Variants in DLG2 observed in about 807,000 individuals in gnomAD.
The protein encoded by DLG2 is discs large MAGUK scaffold protein 2.
In DLG2, 45 loss-of-function variants were observed where a neutral mutation model predicts 132.5. The observed-to-expected ratio is 0.34, with a 90% confidence interval of 0.27 to 0.44. The LOEUF is 0.44. DLG2 is among the 20% of genes least tolerant of loss of function. The pLI, the probability that DLG2 is intolerant of heterozygous loss-of-function variation, is 1.00. For synonymous variants in DLG2, 424 were observed against 419.6 expected (o/e 1.01, Z -0.13); for missense variants, 1,045 against 1,196.9 (o/e 0.87, Z 1.87).
chr11:85,388,745 A>AAT (rs1018864014), intron 3 of DLG2, among the ~76,000 whole-genome samples: 18 of 152,126 alleles, frequency 1.2e-4, no homozygotes, highest in Non-Finnish European at 8.8e-5. Context: ...CCAGAGGAGA[A>AAT]ATAACAATCA....
intron 17 of DLG2, among the ~76,000 whole-genome samples, chr11:83,806,615 C>T (rs542289640): frequency 3.2e-4 from 48 of 152,080 alleles, no homozygotes; most frequent in Non-Finnish European, 5.7e-4. Flanking sequence ...GACTGTAAGC[C>T]CCACGAGGGC....
At chr11:84,159,101 G>A (rs2095491808) in intron 9 of DLG2, among the ~76,000 whole-genome samples, 1 of 152,156 alleles carries the variant, frequency 6.6e-6, no homozygotes, top group Non-Finnish European at 1.5e-5. Flanking sequence ...GTGCGTCTAT[G>A]TTACTGTCCT....
At chr11:84,118,465 G>C (rs768408914) in intron 9 of DLG2, among the ~76,000 whole-genome samples, 11 of 152,124 alleles carry the variant, frequency 7.2e-5, no homozygotes, top group Non-Finnish European at 1.5e-4. Context: ...CCATCTACTA[G>C]AGTGAAGTAT....
chr11:83,886,314 C>G (rs1337098778), intron 15 of DLG2, among the ~76,000 whole-genome samples: 1 of 152,148 alleles, frequency 6.6e-6, no homozygotes, highest in Non-Finnish European at 1.5e-5. Context: ...TCTGATAAAA[C>G]AGACTTTAAA....
intron 6 of DLG2, among the ~76,000 whole-genome samples, chr11:84,687,594 A>G (rs999391943): frequency 2.0e-5 from 3 of 152,114 alleles, no homozygotes; most frequent in East Asian, 3.9e-4. Context: ...AATAAACTCT[A>G]TTTCACTCTT....
At position 83,979,666 on chromosome 11, in the gene DLG2, T is replaced by C. The variant is rs533182506; in HGVS notation, c.1056+840A>G. Among the ~76,000 whole-genome samples the C allele has an allele frequency of 7.2e-5, 11 of 152,280 alleles. No individual in the cohort carries two copies. The South Asian group carries it at 2.1e-3, about 29-fold the overall frequency. On this transcript the variant is annotated intron_variant, in intron 12 of 27. Coordinates refer to ENST00000376104, the MANE Select transcript of DLG2 (RefSeq NM_001142699.3). ...GAGAAGCTGGCAAATGAAATAGCTATAACCCTGTCTAAGGGGAGGAAAGGA... is the reference window on the plus strand; with the variant it reads ...GAGAAGCTGGCAAATGAAATAGCTACAACCCTGTCTAAGGGGAGGAAAGGA...
At chr11:85,220,227 G>A (rs576967731) in intron 4 of DLG2, among the ~76,000 whole-genome samples, 1 of 152,210 alleles carries the variant, frequency 6.6e-6, no homozygotes, top group South Asian at 2.1e-4. Context: ...AGGAAATGGA[G>A]ATAGGAAAGT....
chr11:85,541,676 T>C (rs942984056), intron 3 of DLG2, among the ~76,000 whole-genome samples: 5 of 152,062 alleles, frequency 3.3e-5, no homozygotes, highest in African/African-American at 7.2e-5. Context: ...TTTGAAGTCA[T>C]AGAAAATTAC....
intron 4 of DLG2, among the ~76,000 whole-genome samples, chr11:85,267,533 CTAGT>C (rs1031999196): frequency 6.6e-6 from 1 of 152,096 alleles, no homozygotes; most frequent in African/African-American, 2.4e-5. Context: ...ATACAAGGTG[CTAGT>C]TAGTTTATGT....
intron 3 of DLG2, among the ~76,000 whole-genome samples, chr11:85,385,924 T>C (rs2086284731): frequency 6.6e-6 from 1 of 152,218 alleles, no homozygotes; most frequent in Non-Finnish European, 1.5e-5. Context: ...CCACCCCACA[T>C]TCCCTGAAAA....
chr11:84,340,888 A>T (rs2098511394), intron 7 of DLG2, among the ~76,000 whole-genome samples: 1 of 152,180 alleles, frequency 6.6e-6, no homozygotes, highest in Admixed American at 6.5e-5. Flanking sequence ...GATGGGAAAT[A>T]GGGAATGGTT....
chr11:85,428,496 T>C (rs1029486389), intron 3 of DLG2, among the ~76,000 whole-genome samples: 1 of 152,126 alleles, frequency 6.6e-6, no homozygotes, highest in African/African-American at 2.4e-5. Flanking sequence ...CATAACTACA[T>C]GGAAACTGAA....
intron 6 of DLG2, among the ~76,000 whole-genome samples, chr11:84,944,738 G>A (rs568346790): frequency 1.3e-5 from 2 of 151,628 alleles, no homozygotes; most frequent in East Asian, 2.0e-4. Context: ...CTGAGTAGCT[G>A]GGACTACAGG....
chr11:84,701,079 C>T (rs2059172420), intron 6 of DLG2, among the ~76,000 whole-genome samples: 1 of 151,632 alleles, frequency 6.6e-6, no homozygotes, highest in African/African-American at 2.4e-5. Flanking sequence ...ATAGCCACTC[C>T]AATGAGACCA....
chr11:85,541,077 T>C (rs1219398533), intron 3 of DLG2, among the ~76,000 whole-genome samples: 1 of 152,234 alleles, frequency 6.6e-6, no homozygotes, highest in African/African-American at 2.4e-5. Flanking sequence ...CTTTAGTATT[T>C]AAGCTCTGCC....
chr11:84,543,353 T>A lies in DLG2; in HGVS notation c.358-8622A>T, dbSNP rs374500042. On this transcript the variant is annotated intron_variant, in intron 6 of 27. Coordinates refer to ENST00000376104, the MANE Select transcript of DLG2 (RefSeq NM_001142699.3). ...CACTTCCTCAAGGTGACCTCCTGACTTCCCAGATTAGGAAGTTCTCTCCCT... is the reference window on the plus strand; with the variant it reads ...CACTTCCTCAAGGTGACCTCCTGACATCCCAGATTAGGAAGTTCTCTCCCT... Among the ~76,000 whole-genome samples the A allele has an allele frequency of 1.1e-3, 163 of 152,302 alleles. 2 individuals are homozygous for A. The South Asian group carries it at 0.032, about 30-fold the overall frequency.
intron 7 of DLG2, among the ~76,000 whole-genome samples, chr11:84,397,030 G>T (rs1376835122): frequency 6.6e-6 from 1 of 152,016 alleles, no homozygotes; most frequent in Admixed American, 6.6e-5. Flanking sequence ...ATCATTTATT[G>T]AATACTCCCT....
intron 6 of DLG2, among the ~76,000 whole-genome samples, chr11:84,975,411 A>T (rs554768969): frequency 1.3e-5 from 2 of 152,288 alleles, no homozygotes; most frequent in African/African-American, 4.8e-5. Flanking sequence ...TAGCCGATAC[A>T]TATCTTTTGC....
intron 19 of DLG2, among the ~76,000 whole-genome samples, chr11:83,577,752 T>G (rs2096901365): frequency 7.9e-6 from 1 of 127,344 alleles, no homozygotes; most frequent in Admixed American, 8.7e-5. Flanking sequence ...ATTATAAATA[T>G]ATAATTATTA....
Sources: gnomAD v4.1 joint callset for allele counts (sites outside exome capture counted in the v4.1 genomes callset) on GRCh38, gnomAD v4.1.1 for gene constraint, MANE v1.5 for transcripts, NCBI Gene and HGNC (gene_info 2026-07-23, HGNC 2026-07-21) for gene names.